The following FAM83B variants were observed in gnomAD, a reference collection of about 807,000 sequenced individuals.
FAM83B encodes scaffolding CK1 anchoring protein B, also known as protein FAM83B.
A neutral mutation model predicts 38.8 loss-of-function variants in FAM83B; 26 were observed. That is an observed-to-expected ratio of 0.67 (90% CI 0.49 to 0.93). FAM83B has a LOEUF of 0.93. Ranked by LOEUF, FAM83B falls within the 40% of genes least tolerant of loss-of-function variation. The pLI is 0.00. For synonymous variants in FAM83B, 419 were observed against 423.1 expected, an observed-to-expected ratio of 0.99 and a Z score of 0.12; for missense variants, 1,237 against 1,197.3, an observed-to-expected ratio of 1.03 and a Z score of -0.49.
intron 2 of FAM83B, among the ~76,000 whole-genome samples, chr6:54,902,575 A>G (rs1368398229): frequency 6.6e-6 from 1 of 151,958 alleles, no homozygotes; most frequent in East Asian, 1.9e-4. Context: ...GCCCTCATTG[A>G]TCATCATAGT....
At position 54,941,860 on chromosome 6, in the gene FAM83B, A is replaced by C; in HGVS notation, c.2889A>C (p.Ile963=). ...ATACCAGTATAAATCGCCCAGAAAT[A>C]AAATCTGCGACTATGGGCAACAGTT... ...MPNTSINRPE[I]KSATMGNSYG... is the part of the protein sequence containing the mutation. Residue 963 remains isoleucine, a synonymous_variant, in exon 5 of 5, where the codon ATA becomes ATC. Coordinates refer to ENST00000306858, the MANE Select transcript of FAM83B (RefSeq NM_001010872.3). The C allele has an allele frequency of 6.2e-7, 1 of 1,614,126 alleles. No homozygotes were observed. Among genetic ancestry groups the C allele is most frequent in the Middle Eastern group, 1.6e-4 (1 of 6,062 alleles).
chr6:54,854,515 G>T (rs894770189), intron 1 of FAM83B, among the ~76,000 whole-genome samples: 15 of 152,194 alleles, frequency 9.9e-5, no homozygotes, highest in African/African-American at 3.6e-4. Context: ...ATGGCAAAAA[G>T]ATTACAACTT....
At chr6:54,918,368 T>A (rs1773092778) in intron 2 of FAM83B, among the ~76,000 whole-genome samples, 1 of 152,080 alleles carries the variant, frequency 6.6e-6, no homozygotes, top group Non-Finnish European at 1.5e-5. Context: ...TTAAAGAACA[T>A]CTGTATTAGT....
intron 2 of FAM83B, among the ~76,000 whole-genome samples, chr6:54,895,801 G>T (rs1406670335): frequency 2.0e-5 from 3 of 151,894 alleles, no homozygotes; most frequent in African/African-American, 7.2e-5. Context: ...AGTGCAGTGG[G>T]GTGATCTTGG....
At chr6:54,914,251 A>G (rs914582704) in intron 2 of FAM83B, among the ~76,000 whole-genome samples, 15 of 152,274 alleles carry the variant, frequency 9.9e-5, no homozygotes, top group African/African-American at 3.6e-4. Flanking sequence ...TTATTCATGA[A>G]TTATGTGTTG....
intron 2 of FAM83B, among the ~76,000 whole-genome samples, chr6:54,897,590 T>G (rs1322165160): frequency 6.6e-6 from 1 of 152,140 alleles, no homozygotes; most frequent in Admixed American, 6.6e-5. Flanking sequence ...GCTGTCAAAG[T>G]CCAGTCCAAG....
At chr6:54,851,254 CCTT>C (rs1009286272) in intron 1 of FAM83B, among the ~76,000 whole-genome samples, 27 of 151,406 alleles carry the variant, frequency 1.8e-4, no homozygotes, top group Non-Finnish European at 3.8e-4. Flanking sequence ...CCCTTCTCTT[CCTT>C]CTTTTTTCTT....
chr6:54,910,762 A>G (rs899671730), intron 2 of FAM83B, among the ~76,000 whole-genome samples: 17 of 152,166 alleles, frequency 1.1e-4, no homozygotes, highest in Non-Finnish European at 2.1e-4. Context: ...AGAACCCTGA[A>G]TGATAGAATC....
Position 54,942,150 on chromosome 6 carries a change from A to AT in FAM83B, c.*148dup. On this transcript the variant is annotated 3_prime_UTR_variant, in exon 5 of 5. Coordinates refer to ENST00000306858, the MANE Select transcript of FAM83B (RefSeq NM_001010872.3). The stretch of plus-strand genomic sequence containing the variant: ...TTCACCAGTGTCCTAGTATAAAGTT[A>AT]TTTTTCTGTGTGATAAAGTTAGGGT... 1.2e-6 allele frequency: 1 copy of AT among 820,388 alleles called. No homozygotes were observed. Among genetic ancestry groups the AT allele is most frequent in the Middle Eastern group, 3.7e-4 (1 of 2,682 alleles). 50.8% of individuals were successfully genotyped at this position (820,388 alleles called of 1,614,324 possible).
At chr6:54,877,802 A>G (rs1161490930) in intron 2 of FAM83B, among the ~76,000 whole-genome samples, 2 of 152,224 alleles carry the variant, frequency 1.3e-5, no homozygotes, top group East Asian at 3.9e-4. Flanking sequence ...ATGAAGCAGA[A>G]TGAAACCAAA....
chr6:54,936,898 A>T (rs1440058979), intron 4 of FAM83B, among the ~76,000 whole-genome samples: 5 of 147,280 alleles, frequency 3.4e-5, no homozygotes, highest in Non-Finnish European at 7.5e-5. Flanking sequence ...CTTTTATACC[A>T]TTTCTTTTAA....
At position 54,945,091 on chromosome 6, in the gene FAM83B, A is replaced by G. The variant is rs1773773043; in HGVS notation, c.*3084A>G. On this transcript the variant is annotated 3_prime_UTR_variant, in exon 5 of 5. Coordinates refer to ENST00000306858, the MANE Select transcript of FAM83B (RefSeq NM_001010872.3). ...AAATGAATAATAAATAATTTTGTAC[A>G]AACATCAATATATTGTAAGCTATTG... 1.3e-5 allele frequency: 2 copies of G among 152,178 alleles called. No individual in the cohort carries two copies. The highest frequency in any genetic ancestry group is 2.9e-5 in the Non-Finnish European group (2 of 68,040). The allele number at this position is 152,178 out of a possible 1,614,324, so 9.4% of individuals were successfully genotyped here. A position where few individuals can be genotyped will look rare whatever the true frequency, so the allele number is the denominator to read the frequency against.
intron 4 of FAM83B, among the ~76,000 whole-genome samples, chr6:54,928,925 GA>G (rs1321087610): frequency 1.3e-5 from 2 of 152,016 alleles, no homozygotes; most frequent in Non-Finnish European, 2.9e-5. Flanking sequence ...TAATGTGGGG[GA>G]AAATCAAACA....
chr6:54,908,131 GAAAAA>G (rs200867108), intron 2 of FAM83B, among the ~76,000 whole-genome samples: 1 of 138,984 alleles, frequency 7.2e-6, no homozygotes, highest in Admixed American at 7.1e-5. Context: ...GGATTTCATG[GAAAAA>G]AAAAAAAAAA....
At chr6:54,883,000 G>T (rs942843617) in intron 2 of FAM83B, among the ~76,000 whole-genome samples, 6 of 152,036 alleles carry the variant, frequency 3.9e-5, no homozygotes, top group Non-Finnish European at 8.8e-5. Context: ...CCGGAGTGCA[G>T]TGGCGCGATC....
chr6:54,887,893 T>C (rs888226577), intron 2 of FAM83B, among the ~76,000 whole-genome samples: 3 of 151,814 alleles, frequency 2.0e-5, no homozygotes, highest in Non-Finnish European at 4.4e-5. Flanking sequence ...CTATAAACAG[T>C]GCATAGTTAT....
intron 2 of FAM83B, among the ~76,000 whole-genome samples, chr6:54,880,475 C>T (rs1209733504): frequency 3.6e-5 from 4 of 111,980 alleles, no homozygotes; most frequent in Non-Finnish European, 6.9e-5. Flanking sequence ...GACGGAGTCT[C>T]GCTTTGTTGC....
intron 2 of FAM83B, among the ~76,000 whole-genome samples, chr6:54,881,299 C>T (rs1772125715): frequency 6.6e-6 from 1 of 152,188 alleles, no homozygotes. Context: ...GTGAGAGTCT[C>T]ATGGTAATAT....
At chr6:54,899,078 T>A (rs543138084) in intron 2 of FAM83B, among the ~76,000 whole-genome samples, 3 of 152,166 alleles carry the variant, frequency 2.0e-5, no homozygotes, top group Non-Finnish European at 4.4e-5. Flanking sequence ...ATAGGAACCG[T>A]ACTTTCCCCA....
Sources: allele counts gnomAD v4.1 joint callset (sites outside exome capture counted in the v4.1 genomes callset), GRCh38; gene constraint gnomAD v4.1.1; transcripts MANE v1.5; gene names NCBI Gene and HGNC (gene_info 2026-07-23, HGNC 2026-07-21).